The following GRM8 variants were observed in gnomAD, a reference collection of about 807,000 sequenced individuals.
GRM8 encodes the protein metabotropic glutamate receptor 8.
Under a neutral mutation model 87.2 loss-of-function variants are expected in GRM8, and 47 were observed. The observed-to-expected ratio is 0.54, with a 90% confidence interval of 0.43 to 0.69. The LOEUF is 0.69. GRM8 is among the 30% of genes least tolerant of loss of function. The pLI, the probability that GRM8 is intolerant of heterozygous loss-of-function variation, is 0.00. For missense variants in GRM8, 1,019 were observed against 1,139.2 expected, an observed-to-expected ratio of 0.89 and a Z score of 1.52; for synonymous variants, 396 against 404.5, an observed-to-expected ratio of 0.98 and a Z score of 0.25.
chr7:126,568,605 A>G (rs1794440587), intron 8 of GRM8, among the ~76,000 whole-genome samples: 1 of 152,148 alleles, frequency 6.6e-6, no homozygotes, highest in Non-Finnish European at 1.5e-5. Context: ...GTAAATGATT[A>G]TTCCTAAATT....
intron 3 of GRM8, among the ~76,000 whole-genome samples, chr7:127,083,652 C>A (rs7786082): frequency 0.013 from 1,980 of 151,742 alleles, 41 homozygotes; most frequent in African/African-American, 0.045. Context: ...CTAACAACAA[C>A]AACAACAACA....
At chr7:126,892,556 T>C (rs1488620536) in intron 6 of GRM8, among the ~76,000 whole-genome samples, 1 of 152,126 alleles carries the variant, frequency 6.6e-6, no homozygotes, top group African/African-American at 2.4e-5. Context: ...TTTGGGTTGG[T>C]TCCAAGTCTT....
intron 7 of GRM8, among the ~76,000 whole-genome samples, chr7:126,623,892 G>C (rs531977355): frequency 6.6e-6 from 1 of 152,310 alleles, no homozygotes; most frequent in East Asian, 1.9e-4. Context: ...GCAGTGAGCT[G>C]TGATAGCACC....
At chr7:126,647,335 ATAG>A (rs1803252996) in intron 7 of GRM8, among the ~76,000 whole-genome samples, 1 of 64,872 alleles carries the variant, frequency 1.5e-5, no homozygotes, top group African/African-American at 4.4e-5. Context: ...AGATAGATAG[ATAG>A]ATAGATATAG....
At chr7:127,199,353 A>G (rs1795468619) in intron 2 of GRM8, among the ~76,000 whole-genome samples, 1 of 152,246 alleles carries the variant, frequency 6.6e-6, no homozygotes, top group Non-Finnish European at 1.5e-5. Flanking sequence ...CTTTCAAATA[A>G]TGAGAACATA....
chr7:126,930,110 A>G (rs1211615393), intron 3 of GRM8, among the ~76,000 whole-genome samples: 1 of 152,204 alleles, frequency 6.6e-6, no homozygotes, highest in Non-Finnish European at 1.5e-5. Context: ...CTCATGGAGC[A>G]AAGCCCTTAC....
At chr7:127,116,111 G>A (rs1245647303) in intron 2 of GRM8, among the ~76,000 whole-genome samples, 6 of 152,132 alleles carry the variant, frequency 3.9e-5, no homozygotes, top group Non-Finnish European at 8.8e-5. Flanking sequence ...GAAAGACACT[G>A]CCACTCAAAA....
At chr7:126,933,638 G>A (rs1342518839) in intron 3 of GRM8, among the ~76,000 whole-genome samples, 2 of 152,196 alleles carry the variant, frequency 1.3e-5, no homozygotes, top group African/African-American at 2.4e-5. Flanking sequence ...GCTGTGGAGA[G>A]AAATGCTAGG....
chr7:127,153,880 C>T (rs1792557283), intron 2 of GRM8, among the ~76,000 whole-genome samples: 1 of 152,070 alleles, frequency 6.6e-6, no homozygotes, highest in South Asian at 2.1e-4. Context: ...TGAAGGCCAA[C>T]ATATACATAA....
At chr7:126,549,954 T>C (rs1273126197) in intron 8 of GRM8, among the ~76,000 whole-genome samples, 2 of 152,044 alleles carry the variant, frequency 1.3e-5, no homozygotes, top group Non-Finnish European at 2.9e-5. Context: ...AATGTAAGAA[T>C]ATAATAAGAA....
At chr7:127,150,020 T>C (rs962223371) in intron 2 of GRM8, among the ~76,000 whole-genome samples, 3 of 151,984 alleles carry the variant, frequency 2.0e-5, no homozygotes, top group African/African-American at 4.8e-5. Context: ...GCTAAATGAG[T>C]GCTCTCACCA....
intron 2 of GRM8, among the ~76,000 whole-genome samples, chr7:127,170,528 G>C (rs1034709819): frequency 6.6e-6 from 1 of 152,290 alleles, no homozygotes. Context: ...ACATAAAAAA[G>C]ATGCTTTCAC....
chr7:127,073,527 C>T (rs1278857088), intron 3 of GRM8, among the ~76,000 whole-genome samples: 1 of 152,122 alleles, frequency 6.6e-6, no homozygotes, highest in African/African-American at 2.4e-5. Context: ...CCACAAGACT[C>T]GTTTATTACC....
At chr7:126,524,083 T>A (rs897306379) in intron 9 of GRM8, among the ~76,000 whole-genome samples, 1 of 152,108 alleles carries the variant, frequency 6.6e-6, no homozygotes, top group Non-Finnish European at 1.5e-5. Context: ...ATTATTAAAA[T>A]CCTGGTTTTT....
chr7:126,825,037 C>T lies in GRM8; in HGVS notation c.1157-54972G>A, dbSNP rs557617907. 1.2e-4 allele frequency among the ~76,000 whole-genome samples: 19 copies of T among 152,244 alleles called. No homozygotes were observed. In the South Asian group the frequency reaches 3.1e-3, roughly 25 times the overall value. On this transcript the variant is annotated intron_variant, in intron 6 of 10. Transcript: ENST00000339582. ...TGTTTGGTGTCTGTTGCTGCATCAG[C>T]GTTTACAAAGTGAGTATCCAAACAT...
At chr7:126,678,954 A>T (rs1807269135) in intron 7 of GRM8, among the ~76,000 whole-genome samples, 1 of 152,244 alleles carries the variant, frequency 6.6e-6, no homozygotes, top group Non-Finnish European at 1.5e-5. Context: ...ATAAGAAATT[A>T]AAACATCCCA....
chr7:126,618,477 C>G (rs1799765778), intron 7 of GRM8, among the ~76,000 whole-genome samples: 1 of 152,176 alleles, frequency 6.6e-6, no homozygotes. Context: ...GCATGGACTT[C>G]ATGTCTAAAA....
At chr7:127,116,728 G>A (rs1241142959) in intron 2 of GRM8, among the ~76,000 whole-genome samples, 1 of 152,204 alleles carries the variant, frequency 6.6e-6, no homozygotes, top group African/African-American at 2.4e-5. Flanking sequence ...TCCTTCAGAT[G>A]TGTATACTAC....
intron 2 of GRM8, among the ~76,000 whole-genome samples, chr7:127,195,239 T>C (rs1277072397): frequency 6.6e-6 from 1 of 152,198 alleles, no homozygotes; most frequent in Non-Finnish European, 1.5e-5. Flanking sequence ...AATGTAGATA[T>C]AGAGAGAAAA....
Sources: allele counts gnomAD v4.1 joint callset (sites outside exome capture counted in the v4.1 genomes callset), GRCh38; gene constraint gnomAD v4.1.1; transcripts MANE v1.5; gene names NCBI Gene and HGNC (gene_info 2026-07-23, HGNC 2026-07-21).